The following RGPD6 variants were observed in gnomAD, a reference collection of about 807,000 sequenced individuals.
The protein encoded by RGPD6 is RANBP2 like and GRIP domain containing 6, also known as RANBP2-like and GRIP domain-containing protein 5/6.
At chr2:110,589,666 A>G in the RGPD6 span, among the ~76,000 whole-genome samples, 1 of 144,268 alleles carries the variant, frequency 6.9e-6, no homozygotes, top group Non-Finnish European at 1.5e-5. Context: ...TGACCTGGCC[A>G]GGTCACCGCA....
the RGPD6 span, among the ~76,000 whole-genome samples, chr2:110,601,082 C>T: frequency 2.0e-5 from 3 of 150,842 alleles, no homozygotes; most frequent in Non-Finnish European, 3.0e-5. Flanking sequence ...TTTTAGTAAA[C>T]TACAGAGTCT....
At chr2:110,604,206 G>C in the RGPD6 span, among the ~76,000 whole-genome samples, 1 of 138,068 alleles carries the variant, frequency 7.2e-6, no homozygotes, top group Admixed American at 7.2e-5. Flanking sequence ...CCAGGGTCCT[G>C]TTGCCAGGGA....
the RGPD6 span, among the ~76,000 whole-genome samples, chr2:110,592,934 T>C: frequency 2.7e-5 from 4 of 146,858 alleles, no homozygotes; most frequent in Admixed American, 2.7e-4. Flanking sequence ...GGCTTGAAAC[T>C]ATTACCAAGG....
chr2:110,611,017 A>G, the RGPD6 span: 1 of 959,252 alleles, frequency 1.0e-6, no homozygotes, highest in Non-Finnish European at 1.2e-6. Flanking sequence ...CACTCAAGAG[A>G]GAGCAGCGAG....
chr2:110,591,813 C>A, the RGPD6 span, among the ~76,000 whole-genome samples: 2 of 148,538 alleles, frequency 1.3e-5, no homozygotes, highest in Non-Finnish European at 2.9e-5. Context: ...TTATGAACTC[C>A]AAAATAAATA....
At chr2:110,589,487 G>C in the RGPD6 span, among the ~76,000 whole-genome samples, 1 of 152,172 alleles carries the variant, frequency 6.6e-6, no homozygotes. Context: ...TCATTTAGCA[G>C]TTGTGCCTTG....
the RGPD6 span, among the ~76,000 whole-genome samples, chr2:110,601,032 A>G: frequency 3.9e-5 from 6 of 152,060 alleles, no homozygotes; most frequent in Non-Finnish European, 7.4e-5. Context: ...CCTGGCAAGG[A>G]AAGTCTACCT....
At chr2:110,600,287 G>A in the RGPD6 span, among the ~76,000 whole-genome samples, 1 of 97,150 alleles carries the variant, frequency 1.0e-5, no homozygotes, top group Non-Finnish European at 2.3e-5. Flanking sequence ...TTGGAGTAGT[G>A]TGGTCTTCCC....
the RGPD6 span, among the ~76,000 whole-genome samples, chr2:110,605,133 A>G: frequency 6.6e-6 from 1 of 152,034 alleles, no homozygotes; most frequent in East Asian, 1.9e-4. Context: ...TTTCTCCAAA[A>G]CACGCCCCAC....
Position 110,577,134 on chromosome 2 carries a change from G to A in RGPD6, c.-110C>T. On this transcript the variant is annotated 5_prime_UTR_variant, in exon 1 of 23. Transcript: ENST00000329516. ...AAGCCACTGAAGCAGCGGCGTAGCC[G>A]GCGGAGGCCCACTGTGACGAGCGTG... The A allele has an allele frequency of 5.4e-5, 1 of 18,576 alleles. No individual in the cohort carries two copies. Among genetic ancestry groups the A allele is most frequent in the Non-Finnish European group, 7.6e-5 (1 of 13,192 alleles). The allele number at this position is 18,576 out of a possible 1,614,324, so 1.2% of individuals were successfully genotyped here.
chr2:110,605,647 G>A, the RGPD6 span, among the ~76,000 whole-genome samples: 1 of 151,518 alleles, frequency 6.6e-6, no homozygotes, highest in Non-Finnish European at 1.5e-5. Flanking sequence ...GCCGCCCACT[G>A]GCCTGCGCAT....
At chr2:110,610,701 G>A in the RGPD6 span, among the ~76,000 whole-genome samples, 5 of 143,956 alleles carry the variant, frequency 3.5e-5, no homozygotes, top group South Asian at 2.1e-4. Context: ...GAAGCGGCCG[G>A]CACGGGGACT....
At chr2:110,605,717 T>C in the RGPD6 span, among the ~76,000 whole-genome samples, 4 of 151,352 alleles carry the variant, frequency 2.6e-5, no homozygotes, top group African/African-American at 7.3e-5. Flanking sequence ...CTGGGCAGCA[T>C]CCTTAGGGAG....
At chr2:110,606,193 G>C in the RGPD6 span, among the ~76,000 whole-genome samples, 1 of 150,292 alleles carries the variant, frequency 6.7e-6, no homozygotes, top group African/African-American at 2.5e-5. Flanking sequence ...TTACGTGTAT[G>C]CATGTTCAAG....
At chr2:110,593,314 C>A in the RGPD6 span, among the ~76,000 whole-genome samples, 18 of 147,244 alleles carry the variant, frequency 1.2e-4, no homozygotes, top group South Asian at 1.1e-3. Flanking sequence ...ATAGAGGCAG[C>A]TGTATGATGT....
the RGPD6 span, among the ~76,000 whole-genome samples, chr2:110,606,097 AG>A: frequency 5.9e-5 from 9 of 151,832 alleles, no homozygotes; most frequent in African/African-American, 2.2e-4. Context: ...TCTAAAAAAA[AG>A]AAAAAAGAGA....
chr2:110,608,402 A>G, the RGPD6 span, among the ~76,000 whole-genome samples: 2 of 151,384 alleles, frequency 1.3e-5, no homozygotes, highest in Non-Finnish European at 2.9e-5. Context: ...TTCAAATAAG[A>G]AAACAATGGA....
chr2:110,601,025 G>A, the RGPD6 span, among the ~76,000 whole-genome samples: 4 of 152,190 alleles, frequency 2.6e-5, no homozygotes, highest in African/African-American at 9.6e-5. Flanking sequence ...GAGAAGGCCT[G>A]GCAAGGAAAG....
the RGPD6 span, among the ~76,000 whole-genome samples, chr2:110,606,145 A>G: frequency 3.3e-5 from 5 of 151,586 alleles, no homozygotes; most frequent in African/African-American, 1.2e-4. Flanking sequence ...TGTATCACAC[A>G]TAGTAATAAG....
Sources: allele counts gnomAD v4.1 joint callset (sites outside exome capture counted in the v4.1 genomes callset), GRCh38; gene constraint gnomAD v4.1.1; transcripts MANE v1.5; gene names NCBI Gene and HGNC (gene_info 2026-07-23, HGNC 2026-07-21).